The following LMTK2 variants were observed in gnomAD, a reference collection of about 807,000 sequenced individuals.
LMTK2 encodes the protein lemur tail kinase 2.
In LMTK2, 37 loss-of-function variants were observed where a neutral mutation model predicts 127.5. The observed-to-expected ratio is 0.29, with a 90% CI of 0.22 to 0.38. The LOEUF is 0.38. LMTK2 is among the 10% of genes least tolerant of loss of function. LMTK2 has a pLI of 1.00. For missense variants in LMTK2, 1,694 were observed against 1,920.3 expected, an observed-to-expected ratio of 0.88 and a Z score of 2.20; for synonymous variants, 819 against 810.1, an observed-to-expected ratio of 1.01 and a Z score of -0.19.
intron 6 of LMTK2, among the ~76,000 whole-genome samples, chr7:98,165,532 G>C (rs117567317): frequency 6.6e-6 from 1 of 152,194 alleles, no homozygotes; most frequent in East Asian, 1.9e-4. Flanking sequence ...GCCCAGGCTG[G>C]TCTCAAACTC....
At chr7:98,175,859 AG>A (rs1437915783) in intron 7 of LMTK2, among the ~76,000 whole-genome samples, 1 of 152,238 alleles carries the variant, frequency 6.6e-6, no homozygotes, top group Non-Finnish European at 1.5e-5. Context: ...AAAAGGCTCG[AG>A]GTCCAGAGGG....
At position 98,203,453 on chromosome 7, in the gene LMTK2, T is replaced by C. The variant is rs1334115124; in HGVS notation, c.4108-121T>C. 8 of 1,324,642 alleles carry C rather than the reference T, an allele frequency of 6.0e-6. No individual in the cohort carries two copies. In the East Asian group the frequency reaches 2.1e-4, roughly 34 times the overall value. 82.1% of individuals were successfully genotyped at this position (1,324,642 alleles called of 1,614,324 possible). Reference sequence around the variant, plus strand: ...GTCCTCCCAGGCCTGGAGCCGCCCTTGTCTTGAGACGCTTACTTCTCAGTC... The same window carrying C: ...GTCCTCCCAGGCCTGGAGCCGCCCTCGTCTTGAGACGCTTACTTCTCAGTC... On this transcript the variant is annotated intron_variant, in intron 11 of 13. Coordinates refer to ENST00000297293, the MANE Select transcript of LMTK2 (RefSeq NM_014916.4).
intron 12 of LMTK2, 65 bp from the exon 13 acceptor site, chr7:98,203,879 A>G (rs1797746430): frequency 6.3e-7 from 1 of 1,599,726 alleles, no homozygotes; most frequent in Non-Finnish European, 8.5e-7. Flanking sequence ...GCACCTGCCC[A>G]GAGGCTCCCC....
At position 98,194,293 on chromosome 7, in the gene LMTK2, C is replaced by T; in HGVS notation, c.3828C>T (p.Asp1276=). ...LGKLGVSGML[D]LSEDGMDADE... ...AACTCGGGGTGTCAGGGATGCTCGA[C>T]CTCTCAGAGGACGGGATGGATGCAG... Residue 1276 remains aspartate, a synonymous_variant, in exon 11 of 14, where the codon GAC becomes GAT. Transcript: ENST00000297293. The surrounding 1 kb of genome is among the most constrained non-coding windows in gnomAD (Gnocchi z 5.4). The T allele has an allele frequency of 6.2e-7, 1 of 1,614,166 alleles. No homozygotes were observed. The highest frequency in any genetic ancestry group is 2.2e-5 in the East Asian group (1 of 44,884).
At chr7:98,120,043 A>G (rs1425644197) in intron 1 of LMTK2, among the ~76,000 whole-genome samples, 1 of 146,384 alleles carries the variant, frequency 6.8e-6, no homozygotes, top group Non-Finnish European at 1.6e-5. Flanking sequence ...ATGATGAGCT[A>G]AAAAAAGTAA....
intron 7 of LMTK2, 56 bp from the exon 8 acceptor site, chr7:98,184,995 C>T (rs1797411333): frequency 7.8e-7 from 1 of 1,280,202 alleles, no homozygotes; most frequent in Middle Eastern, 1.9e-4. Context: ...CATTTCCATA[C>T]AGCATGATCC....
rs148189559 is a variant in LMTK2, at chr7:98,204,069, C to G, written c.4366C>G (p.Arg1456Gly). Reference protein sequence around the residue: ...SKYFSPPPPARSTEQSWPHSA... With the variant: ...SKYFSPPPPAGSTEQSWPHSA... ...GTACTTTTCTCCGCCGCCACCGGCC[C>G]GGAGCACGGAGCAGAGCTGGCCGCA... Residue 1456 changes from arginine (R) to glycine (G), a missense_variant, in exon 13 of 14, where the codon CGG (arginine) becomes GGG (glycine). This residue lies in a region of LMTK2 where 554 missense variants were observed against 567.7 expected (regional missense o/e 0.98). Coordinates refer to ENST00000297293, the MANE Select transcript of LMTK2 (RefSeq NM_014916.4). The G allele has an allele frequency of 4.3e-6, 7 of 1,613,912 alleles. 1 individual carries two copies. The Admixed American group carries it at 1.0e-4, about 23-fold the overall frequency.
intron 3 of LMTK2, among the ~76,000 whole-genome samples, chr7:98,149,197 A>G (rs1047034736): frequency 6.6e-6 from 1 of 152,228 alleles, no homozygotes; most frequent in Non-Finnish European, 1.5e-5. Flanking sequence ...TTCCTTGGGA[A>G]TAAGGTCCAC....
In LMTK2 at chr7:98,194,885, C is replaced by T. The variant is rs972622763; in HGVS notation, c.4107+313C>T. The stretch of plus-strand genomic sequence containing the variant: ...TTACTTTTTTATTTTTCTTTTGAGA[C>T]AGCCTTGCTCTGTGGCCCAGGCTGG... On this transcript the variant is annotated intron_variant, in intron 11 of 13. Transcript: ENST00000297293. This position sits in a 1 kb window ranked among gnomAD's most constrained non-coding sequence, Gnocchi z 5.4. Among the ~76,000 whole-genome samples, 68 of 152,134 alleles carry T rather than the reference C, an allele frequency of 4.5e-4. No individual in the cohort carries two copies. Among genetic ancestry groups the T allele is most frequent in the African/African-American group, 1.6e-3 (65 of 41,410 alleles).
intron 11 of LMTK2, among the ~76,000 whole-genome samples, chr7:98,201,250 G>A (rs564750327): frequency 1.3e-5 from 2 of 152,112 alleles, no homozygotes; most frequent in Admixed American, 6.5e-5. Context: ...CAGTCACTCA[G>A]ATCATTCTTC....
chr7:98,205,634 G>T lies in LMTK2; in HGVS notation c.*142G>T. 1 of 894,660 alleles carries T rather than the reference G, an allele frequency of 1.1e-6. No homozygotes were observed. The highest frequency in any genetic ancestry group is 1.7e-6 in the Non-Finnish European group (1 of 575,788). 55.4% of individuals were successfully genotyped at this position (894,660 alleles called of 1,614,324 possible). On this transcript the variant is annotated 3_prime_UTR_variant, in exon 14 of 14. Transcript: ENST00000297293. The stretch of plus-strand genomic sequence containing the variant: ...GAATCCAGAGGTGAAGAGGGAGACG[G>T]CTCTTAGCTGCGTTCAAGGCGGGGC...
At position 98,184,866 on chromosome 7, in the gene LMTK2, T is replaced by TA. The variant is rs1797409405; in HGVS notation, c.792-185_792-184insA. 2.6e-5 allele frequency among the ~76,000 whole-genome samples: 4 copies of TA among 152,336 alleles called. No homozygotes were observed. The East Asian group carries it at 7.7e-4, about 29-fold the overall frequency. On this transcript the variant is annotated intron_variant, in intron 7 of 13. Coordinates refer to ENST00000297293, the MANE Select transcript of LMTK2 (RefSeq NM_014916.4). ...CTAAAAGTGTGATCATCTTTATTAT[T>TA]TAAGTGATTGATGACATATGTAATA...
chr7:98,111,111 A>T (rs1468663156), intron 1 of LMTK2, among the ~76,000 whole-genome samples: 1 of 152,222 alleles, frequency 6.6e-6, no homozygotes, highest in Non-Finnish European at 1.5e-5. Context: ...GGTTAACTAA[A>T]TATGCTCATT....
In LMTK2 at chr7:98,203,658, C is replaced by T. The variant is rs778384389; in HGVS notation, c.4192C>T (p.Pro1398Ser). The change falls in exon 12 of 14, where the codon CCC (proline) becomes TCC (serine). Residue 1398 changes from proline to serine, a missense_variant. This residue lies in a region of LMTK2 where 554 missense variants were observed against 567.7 expected (regional missense o/e 0.98). Transcript: ENST00000297293. ...CGGCCCAGCCCCAGCCTCAGGCTCT[C>T]CCTACCTGAGCAGGTGCATCAACTC... ...LSGPAPASGS[P>S]YLSRCINSES... 52 of 1,613,584 alleles carry T rather than the reference C, an allele frequency of 3.2e-5. No individual in the cohort carries two copies. Among genetic ancestry groups the T allele is most frequent in the Non-Finnish European group, 3.2e-5 (38 of 1,179,846 alleles).
chr7:98,191,277 G>A (rs1249705825), intron 10 of LMTK2, among the ~76,000 whole-genome samples: 1 of 152,150 alleles, frequency 6.6e-6, no homozygotes, highest in African/African-American at 2.4e-5. Context: ...GATTCGGCCA[G>A]GCACAATGGC....
intron 4 of LMTK2, among the ~76,000 whole-genome samples, chr7:98,152,919 C>T (rs192871304): frequency 1.2e-3 from 176 of 152,094 alleles, no homozygotes; most frequent in Middle Eastern, 6.8e-3. Context: ...GATGTTCAGA[C>T]GAGAGCATGC....
intron 13 of LMTK2, among the ~76,000 whole-genome samples, chr7:98,204,669 C>T (rs80166232): frequency 0.02 from 2,997 of 152,246 alleles, 108 homozygotes; most frequent in African/African-American, 0.068. Flanking sequence ...AGTGTGCTCT[C>T]GGGGCCATGC....
At chr7:98,177,230 T>C (rs957246921) in intron 7 of LMTK2, among the ~76,000 whole-genome samples, 3 of 152,242 alleles carry the variant, frequency 2.0e-5, no homozygotes, top group Non-Finnish European at 2.9e-5. Context: ...CAGTAGTTTT[T>C]CTCTGTACAG....
At chr7:98,158,015 C>T (rs1796955314) in intron 5 of LMTK2, among the ~76,000 whole-genome samples, 1 of 152,204 alleles carries the variant, frequency 6.6e-6, no homozygotes, top group Non-Finnish European at 1.5e-5. Context: ...ACAGGGGAAA[C>T]TGGGTGAAGG....
Sources: allele counts gnomAD v4.1 joint callset (sites outside exome capture counted in the v4.1 genomes callset), GRCh38; gene constraint gnomAD v4.1.1; regional missense constraint gnomAD v4.1.1; non-coding constraint Gnocchi (gnomAD v3.1); transcripts MANE v1.5; gene names NCBI Gene and HGNC (gene_info 2026-07-23, HGNC 2026-07-21).